The following EIF2B3 variants were observed in gnomAD, a reference collection of about 807,000 sequenced individuals.
EIF2B3 encodes the protein eukaryotic translation initiation factor 2B subunit gamma, also known as translation initiation factor eIF2B subunit gamma.
Under a neutral mutation model 54.1 loss-of-function variants are expected in EIF2B3, and 20 were observed. The ratio of observed to expected loss-of-function variants is 0.37; its 90% CI spans 0.26 to 0.54. The LOEUF (loss-of-function observed/expected upper bound fraction) is 0.54, where lower values mean the gene tolerates loss of function less well. Among genes scored for constraint, EIF2B3 ranks in the 20% least tolerant of loss-of-function variants. The pLI is 0.86. For synonymous variants in EIF2B3, 153 were observed against 188.1 expected (o/e 0.81, Z 1.52); for missense variants, 448 against 547.8 (o/e 0.82, Z 1.82).
chr1:44,968,157 AGT>A (rs1644364876), intron 3 of EIF2B3, among the ~76,000 whole-genome samples: 2 of 152,084 alleles, frequency 1.3e-5, no homozygotes, highest in Admixed American at 1.3e-4. Context: ...TGAGTCCAGG[AGT>A]GTGAGACCAG....
intron 7 of EIF2B3, 99 bp from the exon 8 acceptor site, chr1:44,880,107 G>T (rs1208435729): frequency 5.3e-6 from 7 of 1,331,038 alleles, no homozygotes; most frequent in South Asian, 1.3e-5. Context: ...TAAGAGACGA[G>T]GTCTTGCTAT....
At chr1:44,934,114 C>T (rs1643921459) in intron 4 of EIF2B3, among the ~76,000 whole-genome samples, 1 of 136,548 alleles carries the variant, frequency 7.3e-6, no homozygotes, top group African/African-American at 2.8e-5. Context: ...AAGAGTGAAA[C>T]AGGCTGGGCA....
At chr1:44,970,290 A>C (rs1209670511) in intron 3 of EIF2B3, among the ~76,000 whole-genome samples, 1 of 152,224 alleles carries the variant, frequency 6.6e-6, no homozygotes, top group Admixed American at 6.5e-5. Flanking sequence ...AAACATTATA[A>C]GTTAAAAATT....
intron 3 of EIF2B3, among the ~76,000 whole-genome samples, chr1:44,948,125 C>T (rs1223644197): frequency 6.6e-6 from 1 of 152,230 alleles, no homozygotes; most frequent in Non-Finnish European, 1.5e-5. Context: ...CAAGGGCCAA[C>T]TGCCACATTG....
intron 10 of EIF2B3, among the ~76,000 whole-genome samples, chr1:44,864,585 A>C (rs1654712264): frequency 6.6e-6 from 1 of 152,118 alleles, no homozygotes; most frequent in Non-Finnish European, 1.5e-5. Context: ...TTTAACAATT[A>C]TGTACTTTTC....
intron 4 of EIF2B3, among the ~76,000 whole-genome samples, chr1:44,930,528 G>A (rs1450037148): frequency 6.6e-6 from 1 of 152,230 alleles, no homozygotes; most frequent in Non-Finnish European, 1.5e-5. Flanking sequence ...CTGCTGTCAT[G>A]CTTAGAACCT....
intron 3 of EIF2B3, among the ~76,000 whole-genome samples, chr1:44,952,216 G>T (rs1644172026): frequency 1.7e-5 from 2 of 121,212 alleles, no homozygotes; most frequent in African/African-American, 3.1e-5. Flanking sequence ...GCCCGCCTCG[G>T]CCTCCCAAAG....
intron 3 of EIF2B3, among the ~76,000 whole-genome samples, chr1:44,965,116 C>G (rs1292575094): frequency 6.6e-6 from 1 of 152,076 alleles, no homozygotes; most frequent in Non-Finnish European, 1.5e-5. Flanking sequence ...AGACATAGGA[C>G]AAAAATTTCT....
At chr1:44,942,775 A>T (rs1024119336) in intron 3 of EIF2B3, among the ~76,000 whole-genome samples, 1 of 151,912 alleles carries the variant, frequency 6.6e-6, no homozygotes, top group Non-Finnish European at 1.5e-5. Context: ...AACAATGATA[A>T]CTAATGTTTA....
At chr1:44,922,591 CAAAA>C (rs58626731) in intron 5 of EIF2B3, among the ~76,000 whole-genome samples, 1 of 87,536 alleles carries the variant, frequency 1.1e-5, no homozygotes, top group Non-Finnish European at 2.3e-5. Flanking sequence ...TGTCTCAAGA[CAAAA>C]AAAAAAAAAA....
Position 44,856,506 on chromosome 1 carries a change from C to T in EIF2B3, c.1306+1198G>A, listed in dbSNP as rs143931027. ...CTCCAGCCTAGGCGACAGAGCAAGACTCTGTCTCAAAAAATTAAAATTAAA... is the reference window on the plus strand; with the variant it reads ...CTCCAGCCTAGGCGACAGAGCAAGATTCTGTCTCAAAAAATTAAAATTAAA... On this transcript the variant is annotated intron_variant, in intron 11 of 11. Transcript: ENST00000360403. 4.5e-4 allele frequency among the ~76,000 whole-genome samples: 63 copies of T among 139,786 alleles called. 1 individual carries two copies. In the East Asian group the frequency reaches 0.011, roughly 25 times the overall value. 91.7% of individuals were successfully genotyped at this position (139,786 alleles called of 152,430 possible). A position where few individuals can be genotyped will look rare whatever the true frequency, so the allele number is the denominator to read the frequency against.
At chr1:44,858,657 G>T (rs561598665) in intron 10 of EIF2B3, among the ~76,000 whole-genome samples, 3 of 151,968 alleles carry the variant, frequency 2.0e-5, no homozygotes, top group East Asian at 3.9e-4. Flanking sequence ...TACAGATAGG[G>T]TTTCACCATG....
intron 5 of EIF2B3, among the ~76,000 whole-genome samples, chr1:44,922,327 C>T (rs980261520): frequency 6.6e-6 from 1 of 151,376 alleles, no homozygotes; most frequent in Non-Finnish European, 1.5e-5. Flanking sequence ...TGGCTCACGC[C>T]TGTAATCTCA....
intron 6 of EIF2B3, among the ~76,000 whole-genome samples, chr1:44,894,006 A>G (rs1655886289): frequency 6.6e-6 from 1 of 152,178 alleles, no homozygotes. Flanking sequence ...GTGACAATCT[A>G]GGGCCCTGAC....
At chr1:44,906,332 A>G (rs944605791) in intron 5 of EIF2B3, among the ~76,000 whole-genome samples, 11 of 152,230 alleles carry the variant, frequency 7.2e-5, no homozygotes, top group Admixed American at 6.5e-4. Flanking sequence ...GGAGATGGTC[A>G]CGGCAAAGGT....
intron 11 of EIF2B3, among the ~76,000 whole-genome samples, chr1:44,855,110 A>T (rs1283664855): frequency 1.3e-5 from 2 of 150,542 alleles, no homozygotes; most frequent in African/African-American, 2.4e-5. Context: ...AAAAAAGAAG[A>T]AGTAATAGTG....
At chr1:44,959,367 G>T in intron 3 of EIF2B3, 1 of 560,354 alleles carries the variant, frequency 1.8e-6, no homozygotes, top group Non-Finnish European at 3.3e-6. Flanking sequence ...GCAATTTCTA[G>T]CAGGGCCTTC....
chr1:44,863,386 A>G (rs567251825), intron 10 of EIF2B3, among the ~76,000 whole-genome samples: 2 of 152,050 alleles, frequency 1.3e-5, no homozygotes, highest in African/African-American at 4.8e-5. Context: ...GTTATTTTTT[A>G]TTATTTATAA....
At chr1:44,852,281 ACTTTGGCACAAC>A (rs1313018677) in intron 11 of EIF2B3, among the ~76,000 whole-genome samples, 1 of 151,518 alleles carries the variant, frequency 6.6e-6, no homozygotes, top group Non-Finnish European at 1.5e-5. Flanking sequence ...ATACCTTTGA[ACTTTGGCACAAC>A]CCTCTGCCTA....
Sources: allele counts gnomAD v4.1 joint callset (sites outside exome capture counted in the v4.1 genomes callset), GRCh38; gene constraint gnomAD v4.1.1; transcripts MANE v1.5; gene names NCBI Gene and HGNC (gene_info 2026-07-23, HGNC 2026-07-21).